The following NCKAP1 variants were observed in gnomAD, a reference collection of about 807,000 sequenced individuals.
NCKAP1 encodes the protein nck-associated protein 1.
NCKAP1 carries 21 observed loss-of-function variants against 151.2 expected under a neutral mutation model. That is an observed-to-expected ratio of 0.14 (90% CI 0.10 to 0.20). The LOEUF (loss-of-function observed/expected upper bound fraction) is 0.20. NCKAP1 is among the 10% of genes least tolerant of loss of function. The pLI is 1.00. For missense variants in NCKAP1, 933 were observed against 1,352.1 expected (o/e 0.69, Z 4.86); for synonymous variants, 484 against 451.8 (o/e 1.07, Z -0.90).
chr2:182,999,308 C>G (rs937263461), intron 6 of NCKAP1, among the ~76,000 whole-genome samples: 1 of 152,060 alleles, frequency 6.6e-6, no homozygotes, highest in African/African-American at 2.4e-5. Context: ...AAAAATCAAA[C>G]CACCCCACTA....
chr2:182,944,279 AT>A (rs374186232), intron 23 of NCKAP1, among the ~76,000 whole-genome samples: 3 of 152,098 alleles, frequency 2.0e-5, no homozygotes, highest in East Asian at 1.9e-4. Flanking sequence ...ATAAATCAAG[AT>A]TTTTTTTAAA....
chr2:182,966,239 A>G (rs1052186365), intron 16 of NCKAP1, among the ~76,000 whole-genome samples: 2 of 152,108 alleles, frequency 1.3e-5, no homozygotes, highest in Admixed American at 6.5e-5. Context: ...AGTTGATATT[A>G]TATAGCTTGA....
At chr2:182,974,637 A>G (rs1181310006) in intron 15 of NCKAP1, among the ~76,000 whole-genome samples, 1 of 152,214 alleles carries the variant, frequency 6.6e-6, no homozygotes, top group Non-Finnish European at 1.5e-5. Context: ...ACCAGAAGCT[A>G]GGAGAGAGAG....
At chr2:183,037,934 C>A (rs1240321186) in intron 1 of NCKAP1, 58 bp downstream of exon 1, 2 of 1,388,586 alleles carry the variant, frequency 1.4e-6, no homozygotes, top group Non-Finnish European at 1.9e-6. Context: ...GCCTCCCTTG[C>A]CCTTCATCCC....
chr2:182,994,857 T>C lies in NCKAP1; in HGVS notation c.772A>G (p.Met258Val), dbSNP rs777022841. The C allele has an allele frequency of 3.1e-6, 5 of 1,606,632 alleles. No homozygotes were observed. The highest frequency in any genetic ancestry group is 1.1e-5 in the South Asian group (1 of 90,896). Reference protein sequence around the residue: ...MPCEYLSLDAMEKWIIFGFIL... With the variant: ...MPCEYLSLDAVEKWIIFGFIL... ...TACTTACAGATAATCCACTTTTCCA[T>C]TGCATCCAAAGAGAGGTATTCACAA... Residue 258 changes from methionine (M) to valine (V), a missense_variant, in exon 8 of 31, where the codon ATG (methionine) becomes GTG (valine). Met to Val is a conservative substitution (Grantham distance 21, BLOSUM62 1). Around this residue, in one of 2 missense-constraint regions of NCKAP1, gnomAD observed 607 missense variants for 795.0 expected, o/e 0.76. Coordinates refer to ENST00000361354, the MANE Select transcript of NCKAP1 (RefSeq NM_013436.5).
At chr2:183,037,933 G>T in intron 1 of NCKAP1, 59 bp downstream of exon 1, 1 of 1,347,478 alleles carries the variant, frequency 7.4e-7, no homozygotes, top group Non-Finnish European at 1.0e-6. Context: ...GGCCTCCCTT[G>T]CCCTTCATCC....
chr2:182,995,928 T>C (rs1698259941), intron 6 of NCKAP1, 90 bp from the exon 7 acceptor site: 2 of 1,144,672 alleles, frequency 1.7e-6, no homozygotes, highest in African/African-American at 3.1e-5. Context: ...TTTCTAACTA[T>C]ACCATCATAA....
intron 13 of NCKAP1, among the ~76,000 whole-genome samples, chr2:182,979,237 T>C (rs1400095043): frequency 4.6e-5 from 7 of 152,048 alleles, no homozygotes; most frequent in Admixed American, 6.6e-5. Flanking sequence ...TATGCAAGAA[T>C]GATGAAGGTG....
At chr2:182,947,087 T>C (rs919100628) in intron 23 of NCKAP1, 3 of 152,298 alleles carry the variant, frequency 2.0e-5, no homozygotes, top group African/African-American at 7.2e-5. Context: ...ATGTGCTTGA[T>C]GAATTATTTG....
intron 20 of NCKAP1, among the ~76,000 whole-genome samples, chr2:182,955,542 T>C (rs1697307031): frequency 6.6e-6 from 1 of 152,144 alleles, no homozygotes; most frequent in East Asian, 1.9e-4. Context: ...AAATTCTAAT[T>C]AGAATTGAGA....
intron 9 of NCKAP1, among the ~76,000 whole-genome samples, chr2:182,987,835 T>C (rs1042276854): frequency 2.0e-5 from 3 of 151,922 alleles, no homozygotes; most frequent in Non-Finnish European, 4.4e-5. Context: ...CATAAGAATA[T>C]CAGTATGGTG....
chr2:182,945,498 C>A (rs1697085731), intron 23 of NCKAP1, among the ~76,000 whole-genome samples: 1 of 152,056 alleles, frequency 6.6e-6, no homozygotes. Context: ...TATACTAACT[C>A]CAAAAAGACT....
rs750663916 is a variant in NCKAP1 at position 182,952,858 on chromosome 2, G to C, written c.2438C>G (p.Ala813Gly). The C allele has an allele frequency of 6.2e-7, 1 of 1,611,492 alleles. No individual in the cohort carries two copies. Among genetic ancestry groups the C allele is most frequent in the Non-Finnish European group, 8.5e-7 (1 of 1,178,480 alleles). The change falls in exon 22 of 31, where the codon GCG (alanine) becomes GGG (glycine). Residue 813 changes from alanine (A) to glycine (G), a missense_variant. Ala to Gly is a moderately conservative substitution (Grantham distance 60). Transcript: ENST00000361354. ...GHIAYFPAMK[A>G]FVNLPTENEL... ...ATTTTCTGTAGGTAAGTTCACAAAC[G>C]CTTTCATTGCAGGAAAATATGCTAT...
intron 6 of NCKAP1, 114 bp from the exon 7 acceptor site, chr2:182,995,952 A>C (rs1298065421): frequency 1.1e-6 from 1 of 890,996 alleles, no homozygotes; most frequent in Non-Finnish European, 1.7e-6. Flanking sequence ...AACACAGCCT[A>C]ATTATACCCA....
At chr2:182,973,324 G>A (rs1324742691) in intron 15 of NCKAP1, among the ~76,000 whole-genome samples, 1 of 151,868 alleles carries the variant, frequency 6.6e-6, no homozygotes, top group African/African-American at 2.4e-5. Flanking sequence ...AAAAAGAATA[G>A]GTTTAAGTAA....
At chr2:182,958,210 C>G (rs1697364370) in intron 18 of NCKAP1, among the ~76,000 whole-genome samples, 1 of 152,162 alleles carries the variant, frequency 6.6e-6, no homozygotes, top group African/African-American at 2.4e-5. Flanking sequence ...TGCAATGGCA[C>G]AATCTCAGCT....
chr2:183,004,086 C>G (rs530695109), intron 2 of NCKAP1, among the ~76,000 whole-genome samples: 1 of 152,228 alleles, frequency 6.6e-6, no homozygotes, highest in South Asian at 2.1e-4. Flanking sequence ...AACCTTGACA[C>G]TCTTGAGTAT....
intron 28 of NCKAP1, 89 bp downstream of exon 28, chr2:182,928,694 G>A (rs993934984): frequency 1.2e-6 from 1 of 829,080 alleles, no homozygotes; most frequent in Non-Finnish European, 1.9e-6. Flanking sequence ...TCCACTGCCA[G>A]TTAGTGGCAG....
intron 15 of NCKAP1, among the ~76,000 whole-genome samples, chr2:182,971,386 T>A: frequency 9.4e-6 from 1 of 106,666 alleles, no homozygotes; most frequent in African/African-American, 3.8e-5. Flanking sequence ...AGAGCGAGAC[T>A]CCGTCTCAAA....
Sources: allele counts gnomAD v4.1 joint callset (sites outside exome capture counted in the v4.1 genomes callset), GRCh38; gene constraint gnomAD v4.1.1; regional missense constraint gnomAD v4.1.1; transcripts MANE v1.5; gene names NCBI Gene and HGNC (gene_info 2026-07-23, HGNC 2026-07-21).